Variants in DIAPH2 observed in about 807,000 individuals in gnomAD.
The protein encoded by DIAPH2 is diaphanous related formin 2, also known as protein diaphanous homolog 2.
DIAPH2 carries 35 observed loss-of-function variants against 92.7 expected under a neutral mutation model. The observed-to-expected ratio is 0.38, with a 90% CI of 0.29 to 0.50. DIAPH2 has a LOEUF of 0.50. Ranked by LOEUF, DIAPH2 falls within the 20% of genes least tolerant of loss-of-function variation. The pLI is 0.94. For synonymous variants in DIAPH2, 301 were observed against 280.4 expected, an observed-to-expected ratio of 1.07 and a Z score of -0.73; for missense variants, 701 against 819.5, an observed-to-expected ratio of 0.86 and a Z score of 1.77.
intron 20 of DIAPH2, among the ~76,000 whole-genome samples, chrX:97,111,170 C>G (rs368091940): frequency 8.9e-6 from 1 of 112,045 alleles, no homozygotes; most frequent in Non-Finnish European, 1.9e-5. Context: ...AGAAAGTAAA[C>G]GTATGGATCA....
At chrX:97,027,647 C>A (rs1228711290) in intron 17 of DIAPH2, among the ~76,000 whole-genome samples, 5 of 112,127 alleles carry the variant, frequency 4.5e-5, no homozygotes, top group Non-Finnish European at 9.4e-5. Flanking sequence ...TTGTATGTTC[C>A]TTTTGTGTAA....
intron 4 of DIAPH2, among the ~76,000 whole-genome samples, chrX:96,792,280 T>G (rs897838534): frequency 1.5e-4 from 17 of 111,951 alleles, no homozygotes; most frequent in African/African-American, 5.2e-4. Flanking sequence ...CCTTGATTGC[T>G]CCTTTTATAG....
At chrX:97,596,072 C>T (rs746417908) in intron 26 of DIAPH2, among the ~76,000 whole-genome samples, 5 of 112,061 alleles carry the variant, frequency 4.5e-5, no homozygotes, top group South Asian at 3.7e-4. Context: ...AATCTGTTAG[C>T]GCATGCATAG....
chrX:97,270,117 C>T (rs1326537172), intron 23 of DIAPH2, among the ~76,000 whole-genome samples: 5 of 110,813 alleles, frequency 4.5e-5, no homozygotes, highest in African/African-American at 6.6e-5. Context: ...TTAATAGAGA[C>T]GGGGTTTTTC....
intron 5 of DIAPH2, among the ~76,000 whole-genome samples, chrX:96,897,081 A>C: frequency 8.9e-6 from 1 of 111,864 alleles, no homozygotes; most frequent in Non-Finnish European, 1.9e-5. Flanking sequence ...AGAAGGTGTA[A>C]GTTCAAGAGA....
intron 23 of DIAPH2, among the ~76,000 whole-genome samples, chrX:97,332,678 A>G (rs539216389): frequency 6.3e-5 from 7 of 111,840 alleles, no homozygotes; most frequent in African/African-American, 1.9e-4. Context: ...AAAGGGTCCA[A>G]TCAAACCCAA....
intron 21 of DIAPH2, among the ~76,000 whole-genome samples, chrX:97,140,389 T>G (rs998067854): frequency 1.8e-5 from 2 of 111,624 alleles, no homozygotes; most frequent in African/African-American, 6.5e-5. Flanking sequence ...TTCTTTCAGC[T>G]TGTCCTTGAG....
chrX:97,249,972 C>T (rs1027134514), intron 23 of DIAPH2, among the ~76,000 whole-genome samples: 1 of 110,791 alleles, frequency 9.0e-6, no homozygotes, highest in African/African-American at 3.3e-5. Flanking sequence ...TGGTGCATGC[C>T]TGTAATCTCA....
intron 4 of DIAPH2, among the ~76,000 whole-genome samples, chrX:96,852,593 A>C (rs1445162955): frequency 9.0e-6 from 1 of 111,587 alleles, no homozygotes; most frequent in African/African-American, 3.3e-5. Flanking sequence ...TGGGTTGCTA[A>C]TCCCAAAGAA....
chrX:96,729,032 C>A (rs1220359620), intron 1 of DIAPH2, among the ~76,000 whole-genome samples: 2 of 112,223 alleles, frequency 1.8e-5, no homozygotes, highest in African/African-American at 3.2e-5. Flanking sequence ...AGACATCAAT[C>A]AATATGTAAG....
intron 4 of DIAPH2, among the ~76,000 whole-genome samples, chrX:96,784,657 G>A (rs772029514): frequency 8.9e-6 from 1 of 112,302 alleles, no homozygotes; most frequent in East Asian, 2.8e-4. Flanking sequence ...CCTGCACTAT[G>A]TATAGGACTT....
chrX:97,511,172 C>T (rs1208798162), intron 26 of DIAPH2, among the ~76,000 whole-genome samples: 2 of 95,000 alleles, frequency 2.1e-5, no homozygotes, highest in Non-Finnish European at 4.3e-5. Context: ...TGTTTGTATC[C>T]TCTTTTATTT....
At chrX:97,160,984 A>G (rs1320607158) in intron 22 of DIAPH2, among the ~76,000 whole-genome samples, 1 of 110,364 alleles carries the variant, frequency 9.1e-6, no homozygotes, top group African/African-American at 3.3e-5. Flanking sequence ...TTTAACTTGA[A>G]GAGCAAGGGA....
intron 3 of DIAPH2, 27 bp from the exon 4 acceptor site, chrX:96,758,127 G>A (rs1266800362): frequency 9.0e-7 from 1 of 1,116,714 alleles, no homozygotes; most frequent in Non-Finnish European, 1.2e-6. Flanking sequence ...ATTTATCAAT[G>A]CCCACAGTAA....
chrX:97,078,375 G>A (rs916824649), intron 19 of DIAPH2, among the ~76,000 whole-genome samples: 1 of 111,537 alleles, frequency 9.0e-6, no homozygotes, highest in Non-Finnish European at 1.9e-5. Flanking sequence ...AGAGAATTCA[G>A]GGGGTCCTGA....
intron 4 of DIAPH2, among the ~76,000 whole-genome samples, chrX:96,845,152 A>G (rs985708695): frequency 3.6e-5 from 4 of 111,626 alleles, no homozygotes; most frequent in African/African-American, 9.8e-5. Flanking sequence ...TAAGCTAGAA[A>G]ACACTGTAAA....
intron 19 of DIAPH2, among the ~76,000 whole-genome samples, chrX:97,076,338 T>C (rs775377988): frequency 9.0e-6 from 1 of 111,416 alleles, no homozygotes; most frequent in South Asian, 3.8e-4. Flanking sequence ...GAGGCCATCC[T>C]GGCCAACATG....
At chrX:97,116,522 G>A (rs949039182) in intron 21 of DIAPH2, among the ~76,000 whole-genome samples, 1 of 111,615 alleles carries the variant, frequency 9.0e-6, no homozygotes, top group African/African-American at 3.3e-5. Flanking sequence ...CTTCAGCATT[G>A]TATTGCATAC....
chrX:97,194,431 G>A (rs767370901), intron 22 of DIAPH2, among the ~76,000 whole-genome samples: 47 of 109,425 alleles, frequency 4.3e-4, no homozygotes, highest in Admixed American at 2.3e-3. Flanking sequence ...ACAGGCACCC[G>A]CCACCAAGCC....
Sources: gnomAD v4.1 joint callset for allele counts (sites outside exome capture counted in the v4.1 genomes callset) on GRCh38, gnomAD v4.1.1 for gene constraint, MANE v1.5 for transcripts, NCBI Gene and HGNC (gene_info 2026-07-23, HGNC 2026-07-21) for gene names.